Variants in RAB3GAP1 observed in about 807,000 individuals in gnomAD.
RAB3GAP1 encodes the protein RAB3 GTPase activating protein catalytic subunit 1.
In RAB3GAP1, 86 loss-of-function variants were observed where a neutral mutation model predicts 130.7. The ratio of observed to expected loss-of-function variants is 0.66; its 90% CI spans 0.55 to 0.79. RAB3GAP1 has a LOEUF of 0.79. Among genes scored for constraint, RAB3GAP1 ranks in the 30% least tolerant of loss-of-function variants. RAB3GAP1 has a pLI of 0.00. For synonymous variants in RAB3GAP1, 367 were observed against 401.7 expected, an observed-to-expected ratio of 0.91 and a Z score of 1.03; for missense variants, 1,029 against 1,169.4, an observed-to-expected ratio of 0.88 and a Z score of 1.75.
chr2:135,145,133 G>T (rs1030794022), intron 17 of RAB3GAP1, among the ~76,000 whole-genome samples: 2 of 152,078 alleles, frequency 1.3e-5, no homozygotes, highest in Non-Finnish European at 2.9e-5. Context: ...TTTGTTACAT[G>T]CATAGAAAGC....
Position 135,168,733 on chromosome 2 carries a change from G to A in RAB3GAP1, c.2898G>A (p.Glu966=). 6.2e-7 allele frequency: 1 copy of A among 1,614,194 alleles called. No individual in the cohort carries two copies. The highest frequency in any genetic ancestry group is 1.1e-5 in the South Asian group (1 of 91,082). The change falls in exon 24 of 24, where the codon GAG becomes GAA. Residue 966 remains glutamate, a synonymous_variant. Transcript: ENST00000264158. ...GGATGTACAGTGTTCTCACCAAAGA[G>A]GACTTTAGACTTGCAGGTGCCTTTT... is the stretch of plus-strand genomic sequence containing the variant. ...PQRMYSVLTK[E]DFRLAGAFSS...
intron 11 of RAB3GAP1, among the ~76,000 whole-genome samples, chr2:135,129,163 TA>T (rs1190627226): frequency 7.1e-6 from 1 of 139,862 alleles, no homozygotes; most frequent in East Asian, 2.1e-4. Context: ...AAAATAATAG[TA>T]ATAATGGGCC....
At chr2:135,113,428 G>A (rs895825515) in intron 6 of RAB3GAP1, among the ~76,000 whole-genome samples, 158 bp downstream of exon 6, 3 of 152,116 alleles carry the variant, frequency 2.0e-5, no homozygotes, top group East Asian at 1.9e-4. Flanking sequence ...CTCTGTATCC[G>A]CTCCCTATTT....
rs542440924 is a variant in RAB3GAP1 at position 135,164,790 on chromosome 2, C to G, written c.2709+94C>G. 4.3e-6 allele frequency: 4 copies of G among 936,296 alleles called. No homozygotes were observed. The South Asian group carries it at 5.6e-5, about 13-fold the overall frequency. 58.0% of individuals were successfully genotyped at this position (936,296 alleles called of 1,614,324 possible). Reference sequence around the variant, plus strand: ...GTTCCCACACGTGGCTGATCACACTCATGTCACCTGAGTGTAAGTCTGGGC... The same window carrying G: ...GTTCCCACACGTGGCTGATCACACTGATGTCACCTGAGTGTAAGTCTGGGC... On this transcript the variant is annotated intron_variant, in intron 23 of 23. Coordinates refer to ENST00000264158, the MANE Select transcript of RAB3GAP1 (RefSeq NM_012233.3).
At chr2:135,155,788 C>G (rs886942711) in intron 19 of RAB3GAP1, among the ~76,000 whole-genome samples, 1 of 151,716 alleles carries the variant, frequency 6.6e-6, no homozygotes, top group Non-Finnish European at 1.5e-5. Context: ...AATTAAATTC[C>G]TAACTAAAAA....
chr2:135,168,832 T>A lies in RAB3GAP1; in HGVS notation c.*51T>A. 6.6e-7 allele frequency: 1 copy of A among 1,503,930 alleles called. No individual in the cohort carries two copies. Among genetic ancestry groups the A allele is most frequent in the Non-Finnish European group, 9.3e-7 (1 of 1,080,666 alleles). The allele number at this position is 1,503,930 out of a possible 1,614,324, so 93.2% of individuals were successfully genotyped here. A position where few individuals can be genotyped will look rare whatever the true frequency, so the allele number is the denominator to read the frequency against. ...CTTCAGAGACAGTGCTGCCTCCTCC[T>A]GAGGGAGGGAAGGTACCAGGGAGAA... is the stretch of plus-strand genomic sequence containing the variant. On this transcript the variant is annotated 3_prime_UTR_variant, in exon 24 of 24. Coordinates refer to ENST00000264158, the MANE Select transcript of RAB3GAP1 (RefSeq NM_012233.3).
At chr2:135,078,353 T>A (rs1433924801) in intron 3 of RAB3GAP1, among the ~76,000 whole-genome samples, 1 of 152,152 alleles carries the variant, frequency 6.6e-6, no homozygotes, top group Non-Finnish European at 1.5e-5. Context: ...AAAGAAGGAT[T>A]TTTTCTTTTA....
intron 5 of RAB3GAP1, among the ~76,000 whole-genome samples, chr2:135,107,018 G>C (rs1231501095): frequency 1.4e-5 from 2 of 147,478 alleles, no homozygotes; most frequent in African/African-American, 5.0e-5. Context: ...ATGTACTAGA[G>C]AACAATACCC....
At chr2:135,163,973 AG>A (rs1160099325) in intron 22 of RAB3GAP1, among the ~76,000 whole-genome samples, 1 of 152,246 alleles carries the variant, frequency 6.6e-6, no homozygotes. Flanking sequence ...GCTCTAATCA[AG>A]GGACTCGTTT....
intron 2 of RAB3GAP1, among the ~76,000 whole-genome samples, chr2:135,055,230 T>C (rs569068560): frequency 1.5e-4 from 23 of 152,270 alleles, no homozygotes; most frequent in African/African-American, 4.1e-4. Context: ...GGACCTAATA[T>C]AGAATAAGGA....
chr2:135,103,035 A>ATTTTTTTTTTTTTTTTTTTTTT (rs539310402), intron 5 of RAB3GAP1, among the ~76,000 whole-genome samples: 11 of 90,884 alleles, frequency 1.2e-4, no homozygotes, highest in African/African-American at 4.9e-4. Context: ...CATTTTTGTG[A>ATTTTTTTTTTTTTTTTTTTTTT]TTTTTTTTTT....
At chr2:135,154,452 A>G (rs1692255619) in intron 19 of RAB3GAP1, among the ~76,000 whole-genome samples, 1 of 152,012 alleles carries the variant, frequency 6.6e-6, no homozygotes, top group Non-Finnish European at 1.5e-5. Context: ...TCAATAAGTA[A>G]ATAAATCCAT....
At chr2:135,077,115 C>T (rs535919123) in intron 3 of RAB3GAP1, among the ~76,000 whole-genome samples, 1 of 152,066 alleles carries the variant, frequency 6.6e-6, no homozygotes, top group South Asian at 2.1e-4. Flanking sequence ...ACTAAAAATA[C>T]AAAAATTAGC....
chr2:135,061,674 T>G (rs1261845493), intron 3 of RAB3GAP1, among the ~76,000 whole-genome samples: 1 of 151,356 alleles, frequency 6.6e-6, no homozygotes, highest in Non-Finnish European at 1.5e-5. Context: ...GTTCTTTTAG[T>G]TTTTTTTTGG....
chr2:135,060,271 T>G (rs1689129200), intron 3 of RAB3GAP1, among the ~76,000 whole-genome samples: 3 of 148,902 alleles, frequency 2.0e-5, no homozygotes, highest in Admixed American at 6.7e-5. Flanking sequence ...TTTTTTTTTT[T>G]TTTTTTGAGA....
chr2:135,081,361 T>TATATAC lies in RAB3GAP1; in HGVS notation c.151-9636_151-9635insTATACA, dbSNP rs1216831944. ...ATATATATATATATATATATATATATACACACACGTGTGTGTGTGTATATA... is the reference window on the plus strand; with the variant it reads ...ATATATATATATATATATATATATATATATACACACACACGTGTGTGTGTGTATATA... On this transcript the variant is annotated intron_variant, in intron 3 of 23. Coordinates refer to ENST00000264158, the MANE Select transcript of RAB3GAP1 (RefSeq NM_012233.3). Among the ~76,000 whole-genome samples, 422 of 71,116 alleles carry TATATAC rather than the reference T, an allele frequency of 5.9e-3. 1 individual carries two copies. Among genetic ancestry groups the TATATAC allele is most frequent in the Middle Eastern group, 0.026 (2 of 76 alleles). 46.7% of individuals were successfully genotyped at this position (71,116 alleles called of 152,430 possible).
chr2:135,138,306 C>T (rs956745599), intron 17 of RAB3GAP1, among the ~76,000 whole-genome samples: 7 of 150,688 alleles, frequency 4.6e-5, no homozygotes, highest in Admixed American at 2.6e-4. Context: ...AAAAATTAGC[C>T]GACTGGGGTA....
chr2:135,114,019 G>A (rs923168338), intron 6 of RAB3GAP1, among the ~76,000 whole-genome samples: 12 of 152,122 alleles, frequency 7.9e-5, no homozygotes, highest in Admixed American at 3.3e-4. Flanking sequence ...CAGAATGCTA[G>A]GATTATAGGT....
chr2:135,057,790 G>A (rs1409254184), intron 2 of RAB3GAP1, among the ~76,000 whole-genome samples: 1 of 152,024 alleles, frequency 6.6e-6, no homozygotes, highest in Non-Finnish European at 1.5e-5. Flanking sequence ...GCTTTTGTTG[G>A]GTAAGCAATA....
Sources: gnomAD v4.1 joint callset for allele counts (sites outside exome capture counted in the v4.1 genomes callset) on GRCh38, gnomAD v4.1.1 for gene constraint, MANE v1.5 for transcripts, NCBI Gene and HGNC (gene_info 2026-07-23, HGNC 2026-07-21) for gene names.